ZNF564: variants seen among roughly 807,000 people sequenced by gnomAD.
ZNF564 encodes zinc finger protein 564.
ZNF564 carries 5 observed loss-of-function variants against 10.5 expected under a neutral mutation model. The observed-to-expected ratio is 0.48, with a 90% CI of 0.25 to 1.00. The LOEUF (loss-of-function observed/expected upper bound fraction) is 1.00. Among genes scored for constraint, ZNF564 ranks in the 50% least tolerant of loss-of-function variants. ZNF564 has a pLI of 0.16. For synonymous variants in ZNF564, 242 were observed against 218.1 expected (o/e 1.11, Z -0.97); for missense variants, 603 against 669.7 (o/e 0.90, Z 1.10).
At chr19:12,538,608 C>A (rs911186517) in intron 1 of ZNF564, among the ~76,000 whole-genome samples, 1 of 151,746 alleles carries the variant, frequency 6.6e-6, no homozygotes, top group Admixed American at 6.6e-5. Flanking sequence ...CTGGGCAACA[C>A]AGCAAGACTC....
At chr19:12,546,624 G>A (rs759597674) in intron 1 of ZNF564, among the ~76,000 whole-genome samples, 11 of 152,028 alleles carry the variant, frequency 7.2e-5, no homozygotes, top group Non-Finnish European at 1.5e-4. Context: ...CAGGCTACTC[G>A]GGAGGCTGAG....
chr19:12,535,812 G>A (rs1195637670), intron 1 of ZNF564, among the ~76,000 whole-genome samples: 5 of 151,970 alleles, frequency 3.3e-5, no homozygotes, highest in Non-Finnish European at 7.4e-5. Flanking sequence ...TCAAGAGATC[G>A]AGACCATCCT....
At chr19:12,539,893 T>C (rs573408567) in intron 1 of ZNF564, among the ~76,000 whole-genome samples, 70 of 146,438 alleles carry the variant, frequency 4.8e-4, no homozygotes, top group East Asian at 1.0e-3. Flanking sequence ...AGGCAGGAGA[T>C]TGGCGTGAAT....
intron 1 of ZNF564, 107 bp from the exon 2 acceptor site, chr19:12,528,803 C>G: frequency 7.7e-7 from 1 of 1,297,802 alleles, no homozygotes; most frequent in East Asian, 2.5e-5. Context: ...GTGGCTCATG[C>G]CTGTAATCCC....
At chr19:12,538,413 C>A (rs897273346) in intron 1 of ZNF564, among the ~76,000 whole-genome samples, 4 of 151,748 alleles carry the variant, frequency 2.6e-5, no homozygotes, top group Admixed American at 1.3e-4. Context: ...ATCACGAGGT[C>A]AGGAGTTAAA....
intron 1 of ZNF564, among the ~76,000 whole-genome samples, chr19:12,542,343 C>T (rs557214827): frequency 2.5e-4 from 34 of 138,104 alleles, no homozygotes; most frequent in African/African-American, 9.0e-4. Context: ...GTTTAAGAAA[C>T]ACTACTTCTA....
chr19:12,527,465 G>T lies in ZNF564; in HGVS notation c.643C>A (p.His215Asn). The T allele has an allele frequency of 6.2e-7, 1 of 1,614,046 alleles. No individual in the cohort carries two copies. Among genetic ancestry groups the T allele is most frequent in the Non-Finnish European group, 8.5e-7 (1 of 1,179,964 alleles). Residue 215 changes from histidine to asparagine, a missense_variant, in exon 4 of 4, where the codon CAT becomes AAT. Physicochemically the swap from His to Asn is moderately conservative, Grantham distance 68. Transcript: ENST00000339282. ...AFDRPSLFQI[H>N]ERTHTGEKPY... ...TTCTCTCCAGTGTGAGTTCTTTCAT[G>T]TATCTGAAATAAACTTGGGCGATCA...
intron 1 of ZNF564, among the ~76,000 whole-genome samples, chr19:12,546,539 A>G (rs1160734995): frequency 6.6e-6 from 1 of 152,122 alleles, no homozygotes; most frequent in Non-Finnish European, 1.5e-5. Context: ...CATCCTGGCT[A>G]ACACGGTGAA....
chr19:12,550,931 G>C lies in ZNF564; in HGVS notation c.3+399C>G, dbSNP rs1166606442. On this transcript the variant is annotated intron_variant, in intron 1 of 3. Coordinates refer to ENST00000339282, the MANE Select transcript of ZNF564 (RefSeq NM_144976.4). ...GTTTGGAAGACTCGGAGGAAGACCA[G>C]TCCCCCGGAAAAAAAGACGATGTAC... 2.0e-5 allele frequency among the ~76,000 whole-genome samples: 3 copies of C among 152,196 alleles called. 1 individual carries two copies. Among genetic ancestry groups the C allele is most frequent in the Non-Finnish European group, 1.5e-5 (1 of 68,018 alleles).
At chr19:12,530,242 A>C (rs1300439493) in intron 1 of ZNF564, 2 of 152,212 alleles carry the variant, frequency 1.3e-5, no homozygotes, top group African/African-American at 4.8e-5. Context: ...TTCCTCTGCA[A>C]AAGAAGTCAT....
rs181831618 is a variant in ZNF564 at position 12,525,764 on chromosome 19, G to C, written c.*682C>G. ...TTATTTCTCATGGTTTGGGAGGCTG[G>C]GAAGTCCAATATCAAGGCACTGGCA... On this transcript the variant is annotated 3_prime_UTR_variant, in exon 4 of 4. Transcript: ENST00000339282. 1.3e-5 allele frequency: 2 copies of C among 152,286 alleles called. No individual in the cohort carries two copies. Among genetic ancestry groups the C allele is most frequent in the East Asian group, 3.9e-4 (2 of 5,180 alleles). 9.4% of individuals were successfully genotyped at this position (152,286 alleles called of 1,614,324 possible). A position where few individuals can be genotyped will look rare whatever the true frequency, so the allele number is the denominator to read the frequency against.
In ZNF564 at chr19:12,540,965, C is replaced by T. The variant is rs1434509327; in HGVS notation, c.3+10365G>A. On this transcript the variant is annotated intron_variant, in intron 1 of 3. Coordinates refer to ENST00000339282, the MANE Select transcript of ZNF564 (RefSeq NM_144976.4). ...AGTGGAGGTTGCGGTGAGCTGAGAT[C>T]ATACCACTGCACTCCAGCCTGGGCA... 3.7e-5 allele frequency among the ~76,000 whole-genome samples: 5 copies of T among 135,138 alleles called. No individual in the cohort carries two copies. In the South Asian group the frequency reaches 1.3e-3, roughly 34 times the overall value. The allele number at this position is 135,138 out of a possible 152,430, so 88.7% of individuals were successfully genotyped here.
Position 12,527,366 on chromosome 19 carries a change from T to C in ZNF564, c.742A>G (p.Thr248Ala). The change falls in exon 4 of 4, where the codon ACT becomes GCT. Residue 248 changes from threonine to alanine, a missense_variant. Thr to Ala is a moderately conservative substitution (Grantham distance 58). Coordinates refer to ENST00000339282, the MANE Select transcript of ZNF564 (RefSeq NM_144976.4). ...TGACATTTATAAGGTCCATCTCCAG[T>C]GTGCCTAATCATGTGTCTTTGAAAA... is the stretch of plus-strand genomic sequence containing the variant. Reference protein sequence around the residue: ...PSFQRHMIRHTGDGPYKCQEC... With the variant: ...PSFQRHMIRHAGDGPYKCQEC... 1 of 1,614,158 alleles carries C rather than the reference T, an allele frequency of 6.2e-7. No homozygotes were observed. The highest frequency in any genetic ancestry group is 8.5e-7 in the Non-Finnish European group (1 of 1,180,016).
At chr19:12,549,369 G>GGT (rs2022210578) in intron 1 of ZNF564, among the ~76,000 whole-genome samples, 1 of 152,104 alleles carries the variant, frequency 6.6e-6, no homozygotes, top group South Asian at 2.1e-4. Context: ...CTATCCCCTA[G>GGT]GACATCTCCC....
At chr19:12,538,095 AT>A (rs766796646) in intron 1 of ZNF564, among the ~76,000 whole-genome samples, 2 of 152,142 alleles carry the variant, frequency 1.3e-5, no homozygotes, top group African/African-American at 2.4e-5. Context: ...AGAATAAAAA[AT>A]AATAGTAAGT....
chr19:12,534,225 T>C (rs1012952113), intron 1 of ZNF564, among the ~76,000 whole-genome samples: 5 of 152,204 alleles, frequency 3.3e-5, no homozygotes, highest in African/African-American at 7.2e-5. Flanking sequence ...ACAGAGGAAA[T>C]AAAAAGTATA....
chr19:12,551,216 G>A (rs1475786219), intron 1 of ZNF564, 114 bp downstream of exon 1: 123 of 1,265,178 alleles, frequency 9.7e-5, no homozygotes, highest in Non-Finnish European at 3.4e-6. Flanking sequence ...CAGGGAACTC[G>A]GGTCCCAGAC....
chr19:12,545,770 C>A (rs2022140112), intron 1 of ZNF564, among the ~76,000 whole-genome samples: 1 of 152,164 alleles, frequency 6.6e-6, no homozygotes, highest in African/African-American at 2.4e-5. Flanking sequence ...TCTTGGGGTG[C>A]ACCACCCTCC....
At chr19:12,546,272 C>T (rs1378693605) in intron 1 of ZNF564, among the ~76,000 whole-genome samples, 1 of 152,144 alleles carries the variant, frequency 6.6e-6, no homozygotes, top group Non-Finnish European at 1.5e-5. Context: ...AACCAAATTG[C>T]TGACAATGTT....
Sources: allele counts gnomAD v4.1 joint callset (sites outside exome capture counted in the v4.1 genomes callset), GRCh38; gene constraint gnomAD v4.1.1; transcripts MANE v1.5; gene names NCBI Gene and HGNC (gene_info 2026-07-23, HGNC 2026-07-21).